AOPEP: variants seen among roughly 807,000 people sequenced by gnomAD.
The protein encoded by AOPEP is aminopeptidase O (putative).
A neutral mutation model predicts 98.1 loss-of-function variants in AOPEP; 77 were observed. That is an observed-to-expected ratio of 0.78 (90% CI 0.65 to 0.95). AOPEP has a LOEUF of 0.95. Among genes scored for constraint, AOPEP ranks in the 40% least tolerant of loss-of-function variants. The pLI, the probability that AOPEP is intolerant of heterozygous loss-of-function variation, is 0.00. For missense variants in AOPEP, 1,024 were observed against 1,024.7 expected, an observed-to-expected ratio of 1.00 and a Z score of 0.01; for synonymous variants, 346 against 365.3, an observed-to-expected ratio of 0.95 and a Z score of 0.60.
chr9:94,952,965 G>A (rs1363265011), intron 7 of AOPEP, among the ~76,000 whole-genome samples: 1 of 152,242 alleles, frequency 6.6e-6, no homozygotes, highest in Non-Finnish European at 1.5e-5. Flanking sequence ...ATTGGGAACT[G>A]GAACCTGGAA....
At chr9:94,810,037 G>A (rs902209992) in intron 5 of AOPEP, 1 of 155,964 alleles carries the variant, frequency 6.4e-6, no homozygotes, top group Non-Finnish European at 1.5e-5. Flanking sequence ...AGCTTGCACT[G>A]ACTCCAGACC....
intron 4 of AOPEP, among the ~76,000 whole-genome samples, chr9:94,793,545 C>T (rs1218172862): frequency 1.3e-5 from 2 of 150,614 alleles, no homozygotes; most frequent in African/African-American, 2.4e-5. Context: ...GGCATGGTGG[C>T]GGATGCCTGT....
At chr9:94,794,755 A>G (rs1424594255) in intron 4 of AOPEP, among the ~76,000 whole-genome samples, 1 of 152,180 alleles carries the variant, frequency 6.6e-6, no homozygotes, top group Non-Finnish European at 1.5e-5. Context: ...CTTTAATTGC[A>G]TGTGAGATCC....
At chr9:95,012,839 A>G (rs749189192) in intron 13 of AOPEP, among the ~76,000 whole-genome samples, 1 of 152,134 alleles carries the variant, frequency 6.6e-6, no homozygotes, top group African/African-American at 2.4e-5. Context: ...TGAATCCCAC[A>G]AATGGCATTT....
rs72746588 is a variant in AOPEP at position 94,845,053 on chromosome 9, T to C, written c.1364+44051T>C. ...TGCTCAGAACAAAGCCCATTGCATA[T>C]GGAACTTGAGTTCTGCTAGGGGAGA... On this transcript the variant is annotated intron_variant, in intron 5 of 16. Coordinates refer to ENST00000375315, the MANE Select transcript of AOPEP (RefSeq NM_001193329.3). 4.7e-3 allele frequency among the ~76,000 whole-genome samples: 711 copies of C among 152,380 alleles called. 9 individuals are homozygous for C. The highest frequency in any genetic ancestry group is 0.041 in the South Asian group (200 of 4,826).
chr9:94,965,243 C>T (rs1315798247), intron 9 of AOPEP, among the ~76,000 whole-genome samples: 1 of 152,154 alleles, frequency 6.6e-6, no homozygotes, highest in Non-Finnish European at 1.5e-5. Context: ...TTGGGGTTGT[C>T]CCCCCGCTCC....
At chr9:95,110,221 A>AGAAAT in the AOPEP span, 1 of 996,836 alleles carries the variant, frequency 1.0e-6, no homozygotes, top group African/African-American at 1.7e-5. Context: ...AGAACTTTCT[A>AGAAAT]GAAATTAAGT....
chr9:94,844,933 C>T (rs1004684922), intron 5 of AOPEP, among the ~76,000 whole-genome samples: 2 of 151,600 alleles, frequency 1.3e-5, no homozygotes, highest in African/African-American at 4.8e-5. Flanking sequence ...GTGACCATTT[C>T]AGAAAAAAAA....
intron 5 of AOPEP, among the ~76,000 whole-genome samples, chr9:94,836,745 T>A (rs1013296196): frequency 6.6e-5 from 10 of 152,168 alleles, no homozygotes; most frequent in Admixed American, 5.2e-4. Flanking sequence ...AGATTGTGGT[T>A]TTGGTGTTAT....
At chr9:95,068,947 G>T (rs763312140) in intron 14 of AOPEP, among the ~76,000 whole-genome samples, 1 of 152,046 alleles carries the variant, frequency 6.6e-6, no homozygotes, top group Non-Finnish European at 1.5e-5. Context: ...CTCAGTGTGC[G>T]TGGCCCTTCT....
chr9:95,005,244 T>A (rs780279006), intron 12 of AOPEP, 24 bp downstream of exon 12: 1 of 1,071,334 alleles, frequency 9.3e-7, no homozygotes, highest in East Asian at 5.7e-5. Flanking sequence ...GCGCGGTCCC[T>A]GCGCCCCGGT....
At chr9:95,052,897 T>C (rs994809415) in intron 13 of AOPEP, among the ~76,000 whole-genome samples, 3 of 152,248 alleles carry the variant, frequency 2.0e-5, no homozygotes, top group Non-Finnish European at 4.4e-5. Flanking sequence ...TGGAAAATTT[T>C]AAATTCTTCC....
chr9:95,113,548 C>T, the AOPEP span, among the ~76,000 whole-genome samples: 2 of 151,550 alleles, frequency 1.3e-5, no homozygotes, highest in Non-Finnish European at 2.9e-5. Context: ...AATCCCAGCA[C>T]GACGGGAGGC....
chr9:95,054,807 C>G (rs2066685618), intron 13 of AOPEP, among the ~76,000 whole-genome samples: 1 of 152,188 alleles, frequency 6.6e-6, no homozygotes, highest in African/African-American at 2.4e-5. Flanking sequence ...TATAGACATA[C>G]TCCCTAAAGA....
At chr9:94,839,758 A>G (rs2042065494) in intron 5 of AOPEP, among the ~76,000 whole-genome samples, 1 of 152,016 alleles carries the variant, frequency 6.6e-6, no homozygotes, top group Non-Finnish European at 1.5e-5. Context: ...AAGAGTGGAC[A>G]TCTTTTTCTT....
intron 1 of AOPEP, among the ~76,000 whole-genome samples, chr9:94,738,372 C>A (rs1485966644): frequency 6.6e-6 from 1 of 152,110 alleles, no homozygotes; most frequent in Non-Finnish European, 1.5e-5. Context: ...TCCTGGCCTT[C>A]CACTCTCTGA....
the AOPEP span, chr9:95,125,301 G>A: frequency 5.2e-6 from 4 of 775,654 alleles, no homozygotes; most frequent in East Asian, 5.3e-5. Context: ...AGCTTCAGCA[G>A]TATCTCAACT....
intron 3 of AOPEP, among the ~76,000 whole-genome samples, chr9:94,774,397 TA>T (rs1357030165): frequency 2.0e-5 from 3 of 151,548 alleles, no homozygotes; most frequent in Admixed American, 2.0e-4. Flanking sequence ...AAAAATAAAT[TA>T]AAAAAATTAT....
At chr9:95,135,198 T>C in the AOPEP span, 1 of 820,332 alleles carries the variant, frequency 1.2e-6, no homozygotes, top group East Asian at 2.7e-5. Context: ...TGTTAGTGAT[T>C]TCAAAAATAA....
Sources: allele counts gnomAD v4.1 joint callset (sites outside exome capture counted in the v4.1 genomes callset), GRCh38; gene constraint gnomAD v4.1.1; transcripts MANE v1.5; gene names NCBI Gene and HGNC (gene_info 2026-07-23, HGNC 2026-07-21).